The following TTC7A variants were observed in gnomAD, a reference collection of about 807,000 sequenced individuals.
The protein encoded by TTC7A is tetratricopeptide repeat domain 7A.
Under a neutral mutation model 103.7 loss-of-function variants are expected in TTC7A, and 110 were observed. The observed-to-expected ratio is 1.06, with a 90% CI of 0.91 to 1.24. The LOEUF is 1.24. Among genes scored for constraint, TTC7A ranks in the 50% most tolerant of loss-of-function variants. TTC7A has a pLI of 0.00. For missense variants in TTC7A, 1,340 were observed against 1,116.3 expected, an observed-to-expected ratio of 1.20 and a Z score of -2.86; for synonymous variants, 521 against 467.9, an observed-to-expected ratio of 1.11 and a Z score of -1.47.
chr2:47,029,123 C>A, intron 14 of TTC7A, 101 bp from the exon 15 acceptor site: 1 of 1,428,746 alleles, frequency 7.0e-7, no homozygotes, highest in Non-Finnish European at 9.6e-7. Context: ...CTGGGGCTCC[C>A]TTGAGTTGAG....
intron 18 of TTC7A, among the ~76,000 whole-genome samples, chr2:47,058,902 G>T (rs1683537051): frequency 6.6e-6 from 1 of 151,968 alleles, no homozygotes; most frequent in Non-Finnish European, 1.5e-5. Flanking sequence ...GCCCAAAGGG[G>T]TGTGTGTCTG....
intron 2 of TTC7A, among the ~76,000 whole-genome samples, chr2:46,927,873 G>GT (rs1168058653): frequency 1.5e-5 from 2 of 135,910 alleles, no homozygotes; most frequent in Non-Finnish European, 1.6e-5. Context: ...TAATATTGGG[G>GT]TTTTTTTGGT....
At chr2:46,921,663 T>C (rs1669109214) in intron 2 of TTC7A, among the ~76,000 whole-genome samples, 1 of 152,218 alleles carries the variant, frequency 6.6e-6, no homozygotes, top group Admixed American at 6.5e-5. Context: ...CCCCAACTTT[T>C]TGGCACCAGG....
At chr2:46,984,504 T>C (rs1184607297) in intron 5 of TTC7A, among the ~76,000 whole-genome samples, 2 of 152,210 alleles carry the variant, frequency 1.3e-5, no homozygotes, top group African/African-American at 4.8e-5. Flanking sequence ...GCAAAACACC[T>C]GGAGTATTTT....
chr2:47,043,458 C>A (rs928454589), intron 15 of TTC7A, among the ~76,000 whole-genome samples: 1 of 152,244 alleles, frequency 6.6e-6, no homozygotes, highest in East Asian at 1.9e-4. Flanking sequence ...AGTCCCGGAG[C>A]CTGTTCCGAG....
chr2:47,064,601 T>C (rs1684040248), intron 19 of TTC7A, among the ~76,000 whole-genome samples: 1 of 152,236 alleles, frequency 6.6e-6, no homozygotes, highest in Non-Finnish European at 1.5e-5. Context: ...ATCTCTGCTC[T>C]GCCACCTCCC....
intron 15 of TTC7A, among the ~76,000 whole-genome samples, chr2:47,040,209 C>A (rs1440365306): frequency 6.6e-6 from 1 of 152,176 alleles, no homozygotes; most frequent in Non-Finnish European, 1.5e-5. Flanking sequence ...CAGACCAGGG[C>A]CTGTGTGCCA....
chr2:46,932,834 G>A (rs1179584315), intron 2 of TTC7A, among the ~76,000 whole-genome samples: 1 of 149,684 alleles, frequency 6.7e-6, no homozygotes, highest in African/African-American at 2.5e-5. Flanking sequence ...CCAGGAGGCA[G>A]AGGTTGCAGC....
Position 46,995,116 on chromosome 2 carries a change from C to T in TTC7A, c.1002-20C>T. ...GGTGAGGTGTGTGCTCTAGCCAGGCCTGTCATTGGTGTCTTTCAGCCTCTA... is the reference window on the plus strand; with the variant it reads ...GGTGAGGTGTGTGCTCTAGCCAGGCTTGTCATTGGTGTCTTTCAGCCTCTA... On this transcript the variant is annotated intron_variant, in intron 7 of 19. Transcript: ENST00000319190. 3 of 1,613,864 alleles carry T rather than the reference C, an allele frequency of 1.9e-6. No individual in the cohort carries two copies. The highest frequency in any genetic ancestry group is 2.5e-6 in the Non-Finnish European group (3 of 1,179,766).
chr2:47,071,102 A>C (rs1382783536), intron 19 of TTC7A: 1 of 152,292 alleles, frequency 6.6e-6, no homozygotes, highest in African/African-American at 2.4e-5. Context: ...TGCAGGTCCT[A>C]GGTGCAGCGC....
chr2:46,997,262 A>G (rs113099488), intron 8 of TTC7A, among the ~76,000 whole-genome samples: 1,571 of 152,144 alleles, frequency 0.01, 15 homozygotes, highest in Non-Finnish European at 0.017. Flanking sequence ...TACAGGCATG[A>G]GCCACTGTGC....
intron 3 of TTC7A, among the ~76,000 whole-genome samples, chr2:46,967,139 G>A (rs984198010): frequency 6.6e-6 from 1 of 152,098 alleles, no homozygotes. Context: ...CTTGAACCCA[G>A]GAGGTGGAGG....
intron 19 of TTC7A, among the ~76,000 whole-genome samples, chr2:47,066,644 C>T (rs1380436729): frequency 5.9e-5 from 9 of 152,226 alleles, no homozygotes; most frequent in Non-Finnish European, 2.9e-5. Context: ...TTGAGGGTTA[C>T]TTTCCTCACT....
chr2:46,925,821 G>T (rs1436452111), intron 2 of TTC7A, among the ~76,000 whole-genome samples: 2 of 152,222 alleles, frequency 1.3e-5, no homozygotes, highest in African/African-American at 4.8e-5. Flanking sequence ...AGTGGCTTTT[G>T]TGGATACAAC....
At chr2:46,979,379 C>T (rs765755653) in intron 5 of TTC7A, among the ~76,000 whole-genome samples, 14 of 152,076 alleles carry the variant, frequency 9.2e-5, no homozygotes, top group Admixed American at 3.3e-4. Context: ...TGGTGAAGGA[C>T]GAGGGAAAGT....
chr2:46,956,252 G>T (rs1471772402), intron 2 of TTC7A, among the ~76,000 whole-genome samples: 1 of 152,220 alleles, frequency 6.6e-6, no homozygotes, highest in Non-Finnish European at 1.5e-5. Context: ...TCTGCACTTT[G>T]ACCCATTTCT....
intron 10 of TTC7A, among the ~76,000 whole-genome samples, chr2:47,009,076 G>A (rs182546934): frequency 5.3e-5 from 8 of 152,258 alleles, no homozygotes; most frequent in Non-Finnish European, 7.4e-5. Context: ...GAAGGAGGCC[G>A]AGGAGAAGCC....
chr2:47,072,828 C>T (rs1023053819), intron 19 of TTC7A, among the ~76,000 whole-genome samples: 2 of 152,236 alleles, frequency 1.3e-5, no homozygotes, highest in South Asian at 2.1e-4. Flanking sequence ...CCTCTCCCTC[C>T]ACTCACTACC....
intron 7 of TTC7A, among the ~76,000 whole-genome samples, 181 bp downstream of exon 7, chr2:46,994,695 AG>A (rs1377643098): frequency 6.6e-6 from 1 of 152,180 alleles, no homozygotes; most frequent in Non-Finnish European, 1.5e-5. Context: ...GTTGGGGTCC[AG>A]GTTGTGGAGA....
Sources: gnomAD v4.1 joint callset for allele counts (sites outside exome capture counted in the v4.1 genomes callset) on GRCh38, gnomAD v4.1.1 for gene constraint, MANE v1.5 for transcripts, NCBI Gene and HGNC (gene_info 2026-07-23, HGNC 2026-07-21) for gene names.